The following KIAA1671 variants were observed in gnomAD, a reference collection of about 807,000 sequenced individuals.
KIAA1671 encodes KIAA1671.
In KIAA1671, 52 loss-of-function variants were observed where a neutral mutation model predicts 131.2. That is an observed-to-expected ratio of 0.40 (90% CI 0.32 to 0.50). The LOEUF (loss-of-function observed/expected upper bound fraction) is 0.50. Among genes scored for constraint, KIAA1671 ranks in the 20% least tolerant of loss-of-function variants. The probability of loss-of-function intolerance (pLI) is 0.73; values close to 1 mark genes in which losing one functional copy is unlikely to be tolerated. For missense variants in KIAA1671, 2,360 were observed against 2,364.2 expected (o/e 1.00, Z 0.04); for synonymous variants, 1,003 against 961.6 (o/e 1.04, Z -0.80).
At chr22:25,015,470 C>A (rs941356252) in intron 1 of KIAA1671, among the ~76,000 whole-genome samples, 4 of 152,044 alleles carry the variant, frequency 2.6e-5, no homozygotes, top group African/African-American at 9.7e-5. Context: ...TAGGAAGGAA[C>A]AAGCCAATGA....
At chr22:25,189,046 G>A (rs1219746728) in intron 11 of KIAA1671, among the ~76,000 whole-genome samples, 8 of 151,938 alleles carry the variant, frequency 5.3e-5, no homozygotes, top group African/African-American at 1.9e-4. Flanking sequence ...AATCTGCAGA[G>A]TAGACCAGCA....
At chr22:25,159,186 C>G (rs1568985694) in intron 6 of KIAA1671, among the ~76,000 whole-genome samples, 1 of 152,130 alleles carries the variant, frequency 6.6e-6, no homozygotes, top group Non-Finnish European at 1.5e-5. Context: ...TCAGGCACTC[C>G]CAGCCGGGAA....
At chr22:25,127,837 G>A (rs921465466) in intron 6 of KIAA1671, among the ~76,000 whole-genome samples, 5 of 152,164 alleles carry the variant, frequency 3.3e-5, no homozygotes, top group Non-Finnish European at 5.9e-5. Context: ...CATGGGATGC[G>A]GAGCCCCGTG....
chr22:25,072,834 C>T (rs560267328), intron 6 of KIAA1671, among the ~76,000 whole-genome samples: 8 of 152,288 alleles, frequency 5.3e-5, no homozygotes, highest in Admixed American at 2.0e-4. Flanking sequence ...AGGAGGCCAC[C>T]GTCAGATTTG....
At chr22:25,167,057 G>C (rs942759497) in intron 6 of KIAA1671, among the ~76,000 whole-genome samples, 1 of 152,220 alleles carries the variant, frequency 6.6e-6, no homozygotes. Flanking sequence ...TTTGAAAACA[G>C]TAAGGAGCTG....
chr22:25,140,643 G>T (rs940544222), intron 6 of KIAA1671, among the ~76,000 whole-genome samples: 21 of 152,216 alleles, frequency 1.4e-4, no homozygotes, highest in African/African-American at 4.8e-4. Flanking sequence ...CCTGGGAGGG[G>T]CACCTCGGGG....
intron 4 of KIAA1671, among the ~76,000 whole-genome samples, chr22:25,036,230 G>A (rs927752751): frequency 1.3e-5 from 2 of 151,846 alleles, no homozygotes; most frequent in Non-Finnish European, 2.9e-5. Flanking sequence ...ACAGGCATGC[G>A]CCACCACACC....
chr22:24,972,998 C>T (rs1487245753), intron 1 of KIAA1671, among the ~76,000 whole-genome samples: 2 of 152,088 alleles, frequency 1.3e-5, no homozygotes, highest in Non-Finnish European at 2.9e-5. Flanking sequence ...ATCTGAAGAG[C>T]CCACGGGGAG....
chr22:25,195,574 T>C lies in KIAA1671; in HGVS notation c.*3173T>C, dbSNP rs1165339135. On this transcript the variant is annotated 3_prime_UTR_variant, in exon 13 of 13. Transcript: ENST00000358431. Reference sequence around the variant, plus strand: ...CCCTGGAAGGGAGGCCAACTAAGGGTATCACCAAGAAGCCAAAAGAGAAAT... The same window carrying C: ...CCCTGGAAGGGAGGCCAACTAAGGGCATCACCAAGAAGCCAAAAGAGAAAT... The C allele has an allele frequency of 6.6e-6, 1 of 152,132 alleles. No homozygotes were observed. The highest frequency in any genetic ancestry group is 2.4e-5 in the African/African-American group (1 of 41,404). 9.4% of individuals were successfully genotyped at this position (152,132 alleles called of 1,614,324 possible). A position where few individuals can be genotyped will look rare whatever the true frequency, so the allele number is the denominator to read the frequency against.
chr22:25,079,473 G>A (rs1929285724), intron 6 of KIAA1671, among the ~76,000 whole-genome samples: 2 of 152,140 alleles, frequency 1.3e-5, no homozygotes, highest in African/African-American at 4.8e-5. Flanking sequence ...GCTGTGCTGG[G>A]GAAAGACAGA....
chr22:24,973,991 C>T (rs183973283), intron 1 of KIAA1671, among the ~76,000 whole-genome samples: 6 of 152,048 alleles, frequency 3.9e-5, no homozygotes, highest in African/African-American at 1.4e-4. Context: ...TCTGCCCACC[C>T]TCTGCCCAGC....
intron 12 of KIAA1671, among the ~76,000 whole-genome samples, chr22:25,192,090 GTTTAT>G (rs1934688422): frequency 6.6e-6 from 1 of 152,104 alleles, no homozygotes; most frequent in Non-Finnish European, 1.5e-5. Context: ...CGGGACCTGT[GTTTAT>G]TTTGTGTTTG....
intron 5 of KIAA1671, among the ~76,000 whole-genome samples, chr22:25,046,208 A>G (rs1927217082): frequency 6.6e-6 from 1 of 152,148 alleles, no homozygotes; most frequent in Non-Finnish European, 1.5e-5. Context: ...AGGCTGAGGC[A>G]GGAGAATTGC....
Position 25,032,686 on chromosome 22 carries a change from C to T in KIAA1671, c.1619C>T (p.Pro540Leu), listed in dbSNP as rs1458796716. 1.2e-5 allele frequency: 19 copies of T among 1,543,724 alleles called. No individual in the cohort carries two copies. The highest frequency in any genetic ancestry group is 7.2e-5 in the South Asian group (6 of 83,464). ...CTGAGCGGCGAGTTTCCTAAGGAAC[C>T]GAGAGAAAAGGTAAGGAGTGGCTGT... ...AELSGEFPKE[P>L]REKQKEGHSL... The change falls in exon 4 of 13, where the codon CCG (proline) becomes CTG (leucine). Residue 540 changes from proline to leucine, a missense_variant. Physicochemically the swap from Pro to Leu is moderately conservative, Grantham distance 98. Around this residue, in one of 3 missense-constraint regions of KIAA1671, gnomAD observed 1,185 missense variants for 1,126.2 expected, o/e 1.05. Coordinates refer to ENST00000358431, the MANE Select transcript of KIAA1671 (RefSeq NM_001145206.2).
At chr22:25,138,612 A>T (rs564443503) in intron 6 of KIAA1671, among the ~76,000 whole-genome samples, 1 of 152,290 alleles carries the variant, frequency 6.6e-6, no homozygotes, top group South Asian at 2.1e-4. Context: ...ACCTATTCTC[A>T]TGTACAGCCC....
intron 6 of KIAA1671, chr22:25,061,172 A>G (rs970125901): frequency 1.0e-3 from 155 of 152,336 alleles, no homozygotes; most frequent in African/African-American, 3.5e-3. Flanking sequence ...TGGGGTATGG[A>G]TAGCCGAGCC....
intron 6 of KIAA1671, among the ~76,000 whole-genome samples, chr22:25,093,744 C>CTCTCTTTCTCTCTCTCTCTCTG (rs1930174434): frequency 9.5e-6 from 1 of 104,958 alleles, no homozygotes; most frequent in Admixed American, 9.0e-5. Context: ...CACACTCTCT[C>CTCTCTTTCTCTCTCTCTCTCTG]TCTCTCTCTC....
chr22:25,103,367 C>T (rs1472803568), intron 6 of KIAA1671, among the ~76,000 whole-genome samples: 3 of 152,002 alleles, frequency 2.0e-5, no homozygotes, highest in Non-Finnish European at 4.4e-5. Context: ...CGCACCACCG[C>T]ACCCGGCTAA....
At chr22:24,988,608 T>C (rs1018504034) in intron 1 of KIAA1671, among the ~76,000 whole-genome samples, 13 of 147,370 alleles carry the variant, frequency 8.8e-5, no homozygotes, top group African/African-American at 3.3e-4. Flanking sequence ...TGGTGGCTAG[T>C]GCCTGTAATC....
Sources: gnomAD v4.1 joint callset for allele counts (sites outside exome capture counted in the v4.1 genomes callset) on GRCh38, gnomAD v4.1.1 for gene constraint, gnomAD v4.1.1 regional missense constraint, MANE v1.5 for transcripts, NCBI Gene and HGNC (gene_info 2026-07-23, HGNC 2026-07-21) for gene names.